Variants in KCNK12 observed in about 807,000 individuals in gnomAD.
The protein encoded by KCNK12 is potassium two pore domain channel subfamily K member 12.
In KCNK12, 6 loss-of-function variants were observed where a neutral mutation model predicts 25.3. That is an observed-to-expected ratio of 0.24 (90% confidence interval 0.13 to 0.47). The LOEUF is 0.47. Among genes scored for constraint, KCNK12 ranks in the 20% least tolerant of loss-of-function variants. The pLI is 0.99. For synonymous variants in KCNK12, 331 were observed against 311.1 expected, an observed-to-expected ratio of 1.06 and a Z score of -0.67; for missense variants, 444 against 661.7, an observed-to-expected ratio of 0.67 and a Z score of 3.61.
chr2:47,523,111 T>C (rs147797733), intron 1 of KCNK12, among the ~76,000 whole-genome samples: 499 of 152,290 alleles, frequency 3.3e-3, no homozygotes, highest in African/African-American at 9.7e-3. Context: ...AAAAGCCTGG[T>C]TTTTAAATGT....
rs1372926317 is a variant in KCNK12 at position 47,510,616 on chromosome 2, A to G, written c.*10291T>C. Among the ~76,000 whole-genome samples the G allele has an allele frequency of 6.6e-6, 1 of 152,172 alleles. No individual in the cohort carries two copies. The highest frequency in any genetic ancestry group is 1.5e-5 in the Non-Finnish European group (1 of 68,030). The stretch of plus-strand genomic sequence containing the variant: ...ACGTATTTGGTCAGCTATGAATATG[A>G]CCAACTCTCGTCGTTTATCTCTATT... On this transcript the variant is annotated 3_prime_UTR_variant, in exon 2 of 2. Transcript: ENST00000327876.
chr2:47,510,158 A>G lies in KCNK12; in HGVS notation c.*10749T>C, dbSNP rs1406813313. The G allele has an allele frequency of 6.6e-6, 1 of 152,148 alleles. No individual in the cohort carries two copies. The highest frequency in any genetic ancestry group is 2.4e-5 in the African/African-American group (1 of 41,420). The allele number at this position is 152,148 out of a possible 1,614,324, so 9.4% of individuals were successfully genotyped here. A position where few individuals can be genotyped will look rare whatever the true frequency, so the allele number is the denominator to read the frequency against. On this transcript the variant is annotated 3_prime_UTR_variant, in exon 2 of 2. Coordinates refer to ENST00000327876, the MANE Select transcript of KCNK12 (RefSeq NM_022055.2). ...TACCTTCTCCCTGCTACTTCTTGCT[A>G]CTAGTAACATGGATGTGAGCCTTGG...
chr2:47,544,966 T>TC (rs1669281035), intron 1 of KCNK12, among the ~76,000 whole-genome samples: 1 of 152,258 alleles, frequency 6.6e-6, no homozygotes, highest in African/African-American at 2.4e-5. Flanking sequence ...AGGCTTTTTT[T>TC]CCCTGTCACT....
chr2:47,554,727 C>G (rs1014253176), intron 1 of KCNK12, among the ~76,000 whole-genome samples: 2 of 152,216 alleles, frequency 1.3e-5, no homozygotes, highest in Non-Finnish European at 2.9e-5. Context: ...TTAAAGATCT[C>G]TTTGGCTGTG....
chr2:47,530,608 CACA>C (rs1210743147), intron 1 of KCNK12, among the ~76,000 whole-genome samples: 3 of 152,192 alleles, frequency 2.0e-5, no homozygotes, highest in African/African-American at 7.2e-5. Flanking sequence ...ATTTAATCCT[CACA>C]ACAACTGCAT....
At chr2:47,554,707 A>T (rs1284428261) in intron 1 of KCNK12, among the ~76,000 whole-genome samples, 2 of 152,228 alleles carry the variant, frequency 1.3e-5, no homozygotes, top group African/African-American at 4.8e-5. Flanking sequence ...ACTTGGCCTG[A>T]CTTCCGCTTT....
intron 1 of KCNK12, among the ~76,000 whole-genome samples, chr2:47,554,346 G>A (rs1245969896): frequency 6.6e-6 from 1 of 152,216 alleles, no homozygotes; most frequent in Non-Finnish European, 1.5e-5. Flanking sequence ...TAGTGTGAGG[G>A]ACAGTGACTA....
At position 47,565,586 on chromosome 2, in the gene KCNK12, A is replaced by G. The variant is rs1362992487; in HGVS notation, c.391+4355T>C. The stretch of plus-strand genomic sequence containing the variant: ...AAAGGAAGCAAAAATATTTCTGTTT[A>G]TATCAAGCTGCCATTTGAGAAAGAT... On this transcript the variant is annotated intron_variant, in intron 1 of 1. Coordinates refer to ENST00000327876, the MANE Select transcript of KCNK12 (RefSeq NM_022055.2). The surrounding 1 kb of genome is among the most constrained non-coding windows in gnomAD (Gnocchi z 5.0). 6.6e-6 allele frequency: 1 copy of G among 152,248 alleles called. No individual in the cohort carries two copies. The highest frequency in any genetic ancestry group is 1.9e-4 in the East Asian group (1 of 5,204). The allele number at this position is 152,248 out of a possible 1,614,324, so 9.4% of individuals were successfully genotyped here.
At chr2:47,530,146 C>T (rs1166727985) in intron 1 of KCNK12, among the ~76,000 whole-genome samples, 2 of 152,182 alleles carry the variant, frequency 1.3e-5, no homozygotes, top group African/African-American at 2.4e-5. Context: ...GCCAGGCCAG[C>T]GGCCAGGCCT....
In KCNK12 at chr2:47,520,539, G is replaced by C; in HGVS notation, c.*368C>G. 5.3e-6 allele frequency: 1 copy of C among 187,094 alleles called. No homozygotes were observed. The highest frequency in any genetic ancestry group is 1.1e-5 in the Non-Finnish European group (1 of 91,752). 11.6% of individuals were successfully genotyped at this position (187,094 alleles called of 1,614,324 possible). A position where few individuals can be genotyped will look rare whatever the true frequency, so the allele number is the denominator to read the frequency against. On this transcript the variant is annotated 3_prime_UTR_variant, in exon 2 of 2. Transcript: ENST00000327876. This position sits in a 1 kb window ranked among gnomAD's most constrained non-coding sequence, Gnocchi z 5.0. ...AGGTAATTCAGAGCCACGAAAAGTT[G>C]CACCATATGCTTTGGGGTTGCCGGC...
At chr2:47,558,035 C>T (rs1305417759) in intron 1 of KCNK12, among the ~76,000 whole-genome samples, 2 of 152,200 alleles carry the variant, frequency 1.3e-5, no homozygotes, top group East Asian at 3.8e-4. Flanking sequence ...ATCATCTGAT[C>T]ATCATATTTT....
Position 47,557,659 on chromosome 2 carries a change from C to G in KCNK12, c.391+12282G>C, listed in dbSNP as rs901364251. Among the ~76,000 whole-genome samples, 1 of 152,146 alleles carries G rather than the reference C, an allele frequency of 6.6e-6. No individual in the cohort carries two copies. The highest frequency in any genetic ancestry group is 1.5e-5 in the Non-Finnish European group (1 of 68,028). ...CGGCTGAACAATGCACATCAAGGAGCTTTGTAAGGCAATTTCCGTATGTTA... is the reference window on the plus strand; with the variant it reads ...CGGCTGAACAATGCACATCAAGGAGGTTTGTAAGGCAATTTCCGTATGTTA... On this transcript the variant is annotated intron_variant, in intron 1 of 1. Coordinates refer to ENST00000327876, the MANE Select transcript of KCNK12 (RefSeq NM_022055.2). The surrounding 1 kb of genome is among the most constrained non-coding windows in gnomAD (Gnocchi z 4.9).
In KCNK12 at chr2:47,509,575, G is replaced by T. The variant is rs1376814159; in HGVS notation, c.*11332C>A. Among the ~76,000 whole-genome samples, 1 of 152,214 alleles carries T rather than the reference G, an allele frequency of 6.6e-6. No homozygotes were observed. Among genetic ancestry groups the T allele is most frequent in the African/African-American group, 2.4e-5 (1 of 41,450 alleles). ...CCAGGTGTCTCTCCTTAGCACATAA[G>T]ACCCTGTCCGAGGACTGTGGCATGA... On this transcript the variant is annotated 3_prime_UTR_variant, in exon 2 of 2. Coordinates refer to ENST00000327876, the MANE Select transcript of KCNK12 (RefSeq NM_022055.2).
In KCNK12 at chr2:47,512,209, G is replaced by C. The variant is rs1451860136; in HGVS notation, c.*8698C>G. 1 of 1,448,020 alleles carries C rather than the reference G, an allele frequency of 6.9e-7. No individual in the cohort carries two copies. Among genetic ancestry groups the C allele is most frequent in the African/African-American group, 1.4e-5 (1 of 70,806 alleles). 89.7% of individuals were successfully genotyped at this position (1,448,020 alleles called of 1,614,324 possible). ...AGAATTGAACAAACTGTCTAAGCTG[G>C]GTCAGGTACTCTGCAGATGTTTGCT... On this transcript the variant is annotated 3_prime_UTR_variant, in exon 2 of 2. Coordinates refer to ENST00000327876, the MANE Select transcript of KCNK12 (RefSeq NM_022055.2).
chr2:47,527,955 C>A (rs1668824570), intron 1 of KCNK12, among the ~76,000 whole-genome samples: 1 of 152,162 alleles, frequency 6.6e-6, no homozygotes, highest in African/African-American at 2.4e-5. Context: ...TCCTAGAGGC[C>A]CCTCACTGGG....
chr2:47,541,258 C>A (rs1307080808), intron 1 of KCNK12, among the ~76,000 whole-genome samples: 1 of 152,222 alleles, frequency 6.6e-6, no homozygotes, highest in Admixed American at 6.5e-5. Context: ...ATGGCAAGTG[C>A]TGTGCTAGGA....
chr2:47,523,779 T>C (rs1193626039), intron 1 of KCNK12, among the ~76,000 whole-genome samples: 4 of 152,216 alleles, frequency 2.6e-5, no homozygotes, highest in African/African-American at 9.6e-5. Context: ...AGCAGCACCA[T>C]GATACTGTTC....
Position 47,511,506 on chromosome 2 carries a change from T to G in KCNK12, c.*9401A>C, listed in dbSNP as rs1668402016. ...TGTGGTGTCTGTGGTGGGAGGGGCT[T>G]CCATATTACAGAGAGATGCCCACAG... On this transcript the variant is annotated 3_prime_UTR_variant, in exon 2 of 2. Coordinates refer to ENST00000327876, the MANE Select transcript of KCNK12 (RefSeq NM_022055.2). This position sits in a 1 kb window ranked among gnomAD's most constrained non-coding sequence, Gnocchi z 4.3. Among the ~76,000 whole-genome samples the G allele has an allele frequency of 6.6e-6, 1 of 152,240 alleles. No individual in the cohort carries two copies. The highest frequency in any genetic ancestry group is 6.5e-5 in the Admixed American group (1 of 15,288).
Position 47,512,309 on chromosome 2 carries a change from A to G in KCNK12, c.*8598T>C, listed in dbSNP as rs1207735581. 1 of 1,612,646 alleles carries G rather than the reference A, an allele frequency of 6.2e-7. No individual in the cohort carries two copies. The highest frequency in any genetic ancestry group is 8.5e-7 in the Non-Finnish European group (1 of 1,179,816). ...CTCTTCTCCTTCCTTTCAGAACCTCAGAGTGACAGAGCCAAAAGACCAGTG... is the reference window on the plus strand; with the variant it reads ...CTCTTCTCCTTCCTTTCAGAACCTCGGAGTGACAGAGCCAAAAGACCAGTG... On this transcript the variant is annotated 3_prime_UTR_variant, in exon 2 of 2. Transcript: ENST00000327876.
Sources: gnomAD v4.1 joint callset for allele counts (sites outside exome capture counted in the v4.1 genomes callset) on GRCh38, gnomAD v4.1.1 for gene constraint, Gnocchi (gnomAD v3.1) non-coding constraint, MANE v1.5 for transcripts, NCBI Gene and HGNC (gene_info 2026-07-23, HGNC 2026-07-21) for gene names.